Variants in AFF1 observed in about 807,000 individuals in gnomAD.
AFF1 encodes AF4/FMR2 family member 1.
Under a neutral mutation model 121.7 loss-of-function variants are expected in AFF1, and 48 were observed. The ratio of observed to expected loss-of-function variants is 0.39; its 90% CI spans 0.31 to 0.50. The LOEUF is 0.50. AFF1 is among the 20% of genes least tolerant of loss of function. The pLI, the probability that AFF1 is intolerant of heterozygous loss-of-function variation, is 0.76. For missense variants in AFF1, 1,523 were observed against 1,511.7 expected, an observed-to-expected ratio of 1.01 and a Z score of -0.12; for synonymous variants, 613 against 563.0, an observed-to-expected ratio of 1.09 and a Z score of -1.26.
intron 2 of AFF1, among the ~76,000 whole-genome samples, chr4:87,019,625 A>G (rs1223531257): frequency 1.3e-5 from 2 of 152,226 alleles, no homozygotes; most frequent in African/African-American, 4.8e-5. Flanking sequence ...ATAGCTGAGC[A>G]TGTGGAGGTT....
chr4:86,959,275 G>C (rs1162297237), intron 2 of AFF1, among the ~76,000 whole-genome samples: 2 of 151,800 alleles, frequency 1.3e-5, no homozygotes, highest in African/African-American at 4.8e-5. Context: ...TTTTGATCTG[G>C]GTGTTGGTTA....
intron 1 of AFF1, among the ~76,000 whole-genome samples, chr4:86,938,505 C>T (rs1030641621): frequency 6.7e-6 from 1 of 148,910 alleles, no homozygotes; most frequent in African/African-American, 2.5e-5. Flanking sequence ...CATAAATATA[C>T]AGAGTTTGAT....
In AFF1 at chr4:86,969,879, C is replaced by CAAAAAAAAAAAAAAAAAAAAAAAAAA. The variant is rs70953629; in HGVS notation, c.38+21326_38+21327insAAAAAAAAAAAAAAAAAAAAAAAAAA. 3.6e-4 allele frequency among the ~76,000 whole-genome samples: 23 copies of CAAAAAAAAAAAAAAAAAAAAAAAAAA among 63,626 alleles called. 3 individuals carry two copies. Among genetic ancestry groups the CAAAAAAAAAAAAAAAAAAAAAAAAAA allele is most frequent in the African/African-American group, 8.6e-4 (16 of 18,604 alleles). 41.7% of individuals were successfully genotyped at this position (63,626 alleles called of 152,430 possible). A position where few individuals can be genotyped will look rare whatever the true frequency, so the allele number is the denominator to read the frequency against. On this transcript the variant is annotated intron_variant, in intron 2 of 20. Transcript: ENST00000395146. ...TGGGCGGAAGAGCGAGACTCCGTCT[C>CAAAAAAAAAAAAAAAAAAAAAAAAAA]AAAAAAAAAAAAAAAAAAGGTAAGA...
rs907273610 is a variant in AFF1, at chr4:86,943,768, T to C, written c.-36-4730T>C. 2.0e-5 allele frequency among the ~76,000 whole-genome samples: 3 copies of C among 152,128 alleles called. No homozygotes were observed. The East Asian group carries it at 5.8e-4, about 30-fold the overall frequency. ...TGAGGTCGGGAGTTTGAGACCAGCC[T>C]GACCAACATGGAGAAACCCCGTCTC... On this transcript the variant is annotated intron_variant, in intron 1 of 20. Coordinates refer to ENST00000395146, the MANE Select transcript of AFF1 (RefSeq NM_001166693.3).
chr4:87,109,549 A>G, intron 11 of AFF1, among the ~76,000 whole-genome samples: 1 of 152,216 alleles, frequency 6.6e-6, no homozygotes, highest in East Asian at 1.9e-4. Context: ...GCCTCAGGGA[A>G]AAGGATACTG....
In AFF1 at chr4:87,030,479, A is replaced by G. The variant is rs570704078; in HGVS notation, c.39-15687A>G. On this transcript the variant is annotated intron_variant, in intron 2 of 20. Coordinates refer to ENST00000395146, the MANE Select transcript of AFF1 (RefSeq NM_001166693.3). Reference sequence around the variant, plus strand: ...TAAAGTTGAAATTTAAAGATTGGCCAGTGTTAAATATGAATGGTTAAAAAA... The same window carrying G: ...TAAAGTTGAAATTTAAAGATTGGCCGGTGTTAAATATGAATGGTTAAAAAA... 2.1e-4 allele frequency among the ~76,000 whole-genome samples: 32 copies of G among 152,344 alleles called. No individual in the cohort carries two copies. In the South Asian group the frequency reaches 6.2e-3, roughly 30 times the overall value.
At chr4:86,955,465 C>T (rs529849368) in intron 2 of AFF1, among the ~76,000 whole-genome samples, 1 of 152,094 alleles carries the variant, frequency 6.6e-6, no homozygotes, top group South Asian at 2.1e-4. Flanking sequence ...AACATGTTCC[C>T]CTTCTTACTC....
chr4:87,033,948 A>G (rs1729308376), intron 2 of AFF1, among the ~76,000 whole-genome samples: 3 of 152,136 alleles, frequency 2.0e-5, no homozygotes, highest in South Asian at 4.1e-4. Context: ...GGTAAATAGG[A>G]TCAAGCGGGA....
intron 1 of AFF1, among the ~76,000 whole-genome samples, chr4:86,938,670 G>A (rs1720228496): frequency 6.6e-6 from 1 of 152,152 alleles, no homozygotes; most frequent in African/African-American, 2.4e-5. Context: ...CATAAACTCT[G>A]TAATCCATTT....
intron 2 of AFF1, among the ~76,000 whole-genome samples, chr4:86,960,327 A>G (rs1440853831): frequency 6.6e-6 from 1 of 152,148 alleles, no homozygotes; most frequent in Non-Finnish European, 1.5e-5. Context: ...ATTGAAGTGC[A>G]GTGGGTTCCG....
chr4:87,040,945 G>A (rs1184731403), intron 2 of AFF1, among the ~76,000 whole-genome samples: 3 of 124,946 alleles, frequency 2.4e-5, no homozygotes, highest in African/African-American at 6.6e-5. Context: ...GCATGATCTC[G>A]GCTCAGTGCA....
rs1724801054 is a variant in AFF1 at position 87,096,018 on chromosome 4, A to G, written c.1283+1049A>G. Among the ~76,000 whole-genome samples, 4 of 152,302 alleles carry G rather than the reference A, an allele frequency of 2.6e-5. No homozygotes were observed. The South Asian group carries it at 6.2e-4, about 24-fold the overall frequency. Reference sequence around the variant, plus strand: ...TGCTATGGATTATTTAAAAAACTATATATTGAGCTGGAGAGGTTATTTTAT... The same window carrying G: ...TGCTATGGATTATTTAAAAAACTATGTATTGAGCTGGAGAGGTTATTTTAT... On this transcript the variant is annotated intron_variant, in intron 8 of 20. Coordinates refer to ENST00000395146, the MANE Select transcript of AFF1 (RefSeq NM_001166693.3).
At chr4:87,026,320 A>T (rs1409218121) in intron 2 of AFF1, among the ~76,000 whole-genome samples, 4 of 151,968 alleles carry the variant, frequency 2.6e-5, no homozygotes, top group African/African-American at 9.7e-5. Context: ...TGGTCTTTGA[A>T]CCCTTGACTT....
intron 2 of AFF1, among the ~76,000 whole-genome samples, chr4:87,022,543 G>GATATATATATAT (rs1156817444): frequency 1.7e-4 from 14 of 80,174 alleles, no homozygotes; most frequent in African/African-American, 4.2e-4. Flanking sequence ...CGTGCTTACA[G>GATATATATATAT]ATATATATAT....
chr4:87,065,874 C>A (rs1721302816), intron 4 of AFF1, among the ~76,000 whole-genome samples: 1 of 152,180 alleles, frequency 6.6e-6, no homozygotes, highest in African/African-American at 2.4e-5. Context: ...GCTGCTCCTG[C>A]TAATACCATC....
At chr4:86,936,739 A>G (rs887535402) in intron 1 of AFF1, among the ~76,000 whole-genome samples, 2 of 152,172 alleles carry the variant, frequency 1.3e-5, no homozygotes, top group African/African-American at 4.8e-5. Flanking sequence ...AAAATTCTGG[A>G]TGGTTTGCTT....
intron 2 of AFF1, among the ~76,000 whole-genome samples, chr4:87,019,304 G>C (rs1352186494): frequency 6.6e-6 from 1 of 152,162 alleles, no homozygotes; most frequent in Non-Finnish European, 1.5e-5. Flanking sequence ...TTGTTATAAT[G>C]GTGGGGCACT....
intron 4 of AFF1, among the ~76,000 whole-genome samples, chr4:87,075,957 T>C (rs1158854909): frequency 3.3e-5 from 5 of 152,208 alleles, no homozygotes; most frequent in Admixed American, 3.3e-4. Flanking sequence ...TAAATGAGTC[T>C]AGAATTATGC....
intron 2 of AFF1, among the ~76,000 whole-genome samples, chr4:87,035,719 G>A (rs1210045537): frequency 6.6e-6 from 1 of 152,162 alleles, no homozygotes; most frequent in East Asian, 1.9e-4. Flanking sequence ...GGAGCCTCTC[G>A]GGGCCACATT....
Sources: gnomAD v4.1 joint callset for allele counts (sites outside exome capture counted in the v4.1 genomes callset) on GRCh38, gnomAD v4.1.1 for gene constraint, MANE v1.5 for transcripts, NCBI Gene and HGNC (gene_info 2026-07-23, HGNC 2026-07-21) for gene names.